Variants in ELAVL1 observed in about 807,000 individuals in gnomAD.
The protein encoded by ELAVL1 is ELAV-like protein 1.
Under a neutral mutation model 28.4 loss-of-function variants are expected in ELAVL1, and 1 was observed. The observed-to-expected ratio is 0.04, with a 90% confidence interval of 0.01 to 0.17. The LOEUF (loss-of-function observed/expected upper bound fraction) is 0.17. Ranked by LOEUF, ELAVL1 falls within the 10% of genes least tolerant of loss-of-function variation. The pLI is 1.00. For synonymous variants in ELAVL1, 174 were observed against 183.5 expected (o/e 0.95, Z 0.42); for missense variants, 157 against 447.2 (o/e 0.35, Z 5.85).
rs557452652 is a variant in ELAVL1, at chr19:7,982,169, C to T, written c.173-983G>A. 6.6e-6 allele frequency among the ~76,000 whole-genome samples: 1 copy of T among 152,312 alleles called. No individual in the cohort carries two copies. The highest frequency in any genetic ancestry group is 2.1e-4 in the South Asian group (1 of 4,828). On this transcript the variant is annotated intron_variant, in intron 2 of 5. Coordinates refer to ENST00000407627, the MANE Select transcript of ELAVL1 (RefSeq NM_001419.3). This position sits in a 1 kb window ranked among gnomAD's most constrained non-coding sequence, Gnocchi z 4.3. ...GCAAGGGCAGGACCAGAGGGGACAG[C>T]CTCTGGGGTCAGGGTTCAGAAGGAG...
At chr19:7,976,839 CAT>C (rs976689440) in intron 3 of ELAVL1, among the ~76,000 whole-genome samples, 4 of 145,616 alleles carry the variant, frequency 2.7e-5, no homozygotes, top group African/African-American at 1.0e-4. Flanking sequence ...TGACACGCTA[CAT>C]TTTTTTTTTT....
chr19:7,983,943 A>G (rs1985532942), intron 2 of ELAVL1, among the ~76,000 whole-genome samples: 1 of 151,994 alleles, frequency 6.6e-6, no homozygotes, highest in African/African-American at 2.4e-5. Flanking sequence ...CCCCTCCTCC[A>G]GGATGTGGAA....
Position 7,982,442 on chromosome 19 carries a change from G to C in ELAVL1, c.173-1256C>G, listed in dbSNP as rs971215817. On this transcript the variant is annotated intron_variant, in intron 2 of 5. Coordinates refer to ENST00000407627, the MANE Select transcript of ELAVL1 (RefSeq NM_001419.3). The surrounding 1 kb of genome is among the most constrained non-coding windows in gnomAD (Gnocchi z 4.3). ...AGAGATCCTCCTGGCAGCTGGGCCA[G>C]GGACATCCAGATCCATCTCACCGAC... Among the ~76,000 whole-genome samples the C allele has an allele frequency of 6.6e-6, 1 of 152,198 alleles. No individual in the cohort carries two copies. Among genetic ancestry groups the C allele is most frequent in the African/African-American group, 2.4e-5 (1 of 41,454 alleles).
In ELAVL1 at chr19:7,959,834, A is replaced by T. The variant is rs1277626307; in HGVS notation, c.*3649T>A. 1 of 149,990 alleles carries T rather than the reference A, an allele frequency of 6.7e-6. No individual in the cohort carries two copies. Among genetic ancestry groups the T allele is most frequent in the African/African-American group, 2.5e-5 (1 of 40,438 alleles). The allele number at this position is 149,990 out of a possible 1,614,324, so 9.3% of individuals were successfully genotyped here. ...TAAACCCCAGGGGTCTCTGCTAAGGAGCTGCCTCAGGTCCTAGTAGGTGAG... is the reference window on the plus strand; with the variant it reads ...TAAACCCCAGGGGTCTCTGCTAAGGTGCTGCCTCAGGTCCTAGTAGGTGAG... On this transcript the variant is annotated 3_prime_UTR_variant, in exon 6 of 6. Transcript: ENST00000407627.
chr19:7,965,196 G>C (rs1599663547), intron 5 of ELAVL1, among the ~76,000 whole-genome samples: 1 of 152,146 alleles, frequency 6.6e-6, no homozygotes, highest in African/African-American at 2.4e-5. Context: ...TGGACCACAG[G>C]TGTGTGCCAC....
chr19:7,977,158 C>T (rs1373447674), intron 3 of ELAVL1, among the ~76,000 whole-genome samples: 1 of 152,194 alleles, frequency 6.6e-6, no homozygotes, highest in East Asian at 1.9e-4. Flanking sequence ...TGAAGAACGC[C>T]TGCCTATCTG....
intron 2 of ELAVL1, among the ~76,000 whole-genome samples, chr19:7,985,496 C>A (rs1421912934): frequency 6.6e-6 from 1 of 152,252 alleles, no homozygotes; most frequent in African/African-American, 2.4e-5. Flanking sequence ...AGATGCTCCT[C>A]CTGCCCACCA....
intron 1 of ELAVL1, among the ~76,000 whole-genome samples, chr19:7,994,217 TG>T (rs1338656431): frequency 6.6e-6 from 1 of 151,616 alleles, no homozygotes; most frequent in African/African-American, 2.4e-5. Context: ...GTTTTCACAC[TG>T]GGCCATTCTG....
chr19:7,991,752 A>G lies in ELAVL1; in HGVS notation c.64T>C (p.Leu22=), dbSNP rs1239341916. The change falls in exon 2 of 6, where the codon TTG becomes CTG. Residue 22 remains leucine (L), a synonymous_variant. Coordinates refer to ENST00000407627, the MANE Select transcript of ELAVL1 (RefSeq NM_001419.3). ...TTCTGAGGGAGGTAGTTGACGATCA[A>G]ATTCGTTCTCCCGATGTCACCCCTG... The part of the protein sequence containing the change: ...DCRGDIGRTN[L]IVNYLPQNMT... 1 of 1,614,146 alleles carries G rather than the reference A, an allele frequency of 6.2e-7. No homozygotes were observed. The highest frequency in any genetic ancestry group is 8.5e-7 in the Non-Finnish European group (1 of 1,180,024).
intron 3 of ELAVL1, among the ~76,000 whole-genome samples, chr19:7,977,448 A>G (rs1023024540): frequency 5.3e-5 from 8 of 152,166 alleles, no homozygotes; most frequent in African/African-American, 1.9e-4. Context: ...ACAGGATGGA[A>G]GGTCTGGCCC....
intron 1 of ELAVL1, among the ~76,000 whole-genome samples, chr19:7,994,491 G>C (rs1170345836): frequency 3.3e-5 from 5 of 152,252 alleles, no homozygotes; most frequent in African/African-American, 1.2e-4. Context: ...CAAGAGGGAA[G>C]TAGGCAAAGG....
intron 5 of ELAVL1, among the ~76,000 whole-genome samples, chr19:7,964,136 G>A (rs922139030): frequency 6.6e-6 from 1 of 152,174 alleles, no homozygotes; most frequent in Non-Finnish European, 1.5e-5. Context: ...CTGGTCCTCC[G>A]TTGAAGGTAG....
rs1268198283 is a variant in ELAVL1, at chr19:7,982,590, C to G, written c.173-1404G>C. The stretch of plus-strand genomic sequence containing the variant: ...AATTACAAGGATAATACCAAGTTCC[C>G]ATATGGCCCCCTCCCAGTTTCCCCT... On this transcript the variant is annotated intron_variant, in intron 2 of 5. Transcript: ENST00000407627. This position sits in a 1 kb window ranked among gnomAD's most constrained non-coding sequence, Gnocchi z 4.3. Among the ~76,000 whole-genome samples the G allele has an allele frequency of 6.6e-6, 1 of 152,222 alleles. No homozygotes were observed. Among genetic ancestry groups the G allele is most frequent in the Non-Finnish European group, 1.5e-5 (1 of 68,038 alleles).
chr19:7,961,716 CCCCTCA>C lies in ELAVL1; in HGVS notation c.*1761_*1766del, dbSNP rs1984815636. On this transcript the variant is annotated 3_prime_UTR_variant, in exon 6 of 6. Transcript: ENST00000407627. ...CAATTTGCAAGGATCGCGCACACAG[CCCCTCA>C]GTAAAAGATCAGGGAAAGGGGAGGG... 1 of 152,108 alleles carries C rather than the reference CCCCTCA, an allele frequency of 6.6e-6. No individual in the cohort carries two copies. The highest frequency in any genetic ancestry group is 1.5e-5 in the Non-Finnish European group (1 of 68,032). The allele number at this position is 152,108 out of a possible 1,614,324, so 9.4% of individuals were successfully genotyped here. A position where few individuals can be genotyped will look rare whatever the true frequency, so the allele number is the denominator to read the frequency against.
Position 7,963,864 on chromosome 19 carries a change from G to A in ELAVL1, c.657-57C>T. On this transcript the variant is annotated intron_variant, in intron 5 of 5. Transcript: ENST00000407627. This position sits in a 1 kb window ranked among gnomAD's most constrained non-coding sequence, Gnocchi z 4.5. ...GTCAGCGCAGGCGGCCTGGGGATGG[G>A]GCAAGGCCTGGACGCATGCTGACCA... The A allele has an allele frequency of 1.3e-6, 2 of 1,557,656 alleles. No homozygotes were observed. The highest frequency in any genetic ancestry group is 8.7e-7 in the Non-Finnish European group (1 of 1,149,124).
chr19:7,990,797 T>G (rs917780454), intron 2 of ELAVL1, among the ~76,000 whole-genome samples: 3 of 146,574 alleles, frequency 2.0e-5, no homozygotes, highest in Non-Finnish European at 1.5e-5. Flanking sequence ...GGGGTAGGGG[T>G]GGGTAGAGGG....
At chr19:7,985,117 G>A (rs1327788727) in intron 2 of ELAVL1, among the ~76,000 whole-genome samples, 4 of 152,106 alleles carry the variant, frequency 2.6e-5, no homozygotes, top group Admixed American at 2.0e-4. Flanking sequence ...ATGGGGTTTC[G>A]CCATGTTGCC....
At chr19:7,985,761 G>A (rs868257825) in intron 2 of ELAVL1, among the ~76,000 whole-genome samples, 7 of 152,342 alleles carry the variant, frequency 4.6e-5, no homozygotes, top group Middle Eastern at 6.8e-3. Context: ...AGGAATGCAG[G>A]ATGCAGAACC....
At chr19:8,003,691 C>CA (rs35438998) in intron 1 of ELAVL1, among the ~76,000 whole-genome samples, 30,330 of 80,398 alleles carry the variant, frequency 0.38, 4,084 homozygotes, top group East Asian at 0.56. Context: ...GACTCCGTCT[C>CA]AAAAAAAAAA....
Sources: gnomAD v4.1 joint callset for allele counts (sites outside exome capture counted in the v4.1 genomes callset) on GRCh38, gnomAD v4.1.1 for gene constraint, Gnocchi (gnomAD v3.1) non-coding constraint, MANE v1.5 for transcripts, NCBI Gene and HGNC (gene_info 2026-07-23, HGNC 2026-07-21) for gene names.